MACF1: variants seen among roughly 807,000 people sequenced by gnomAD.
MACF1 encodes microtubule actin crosslinking factor 1.
Under a neutral mutation model 854.8 loss-of-function variants are expected in MACF1, and 193 were observed. The ratio of observed to expected loss-of-function variants is 0.23; its 90% CI spans 0.20 to 0.25. The LOEUF (loss-of-function observed/expected upper bound fraction) is 0.25. MACF1 is among the 10% of genes least tolerant of loss of function. The pLI, the probability that MACF1 is intolerant of heterozygous loss-of-function variation, is 1.00. For missense variants in MACF1, 7,722 were observed against 8,929.1 expected, an observed-to-expected ratio of 0.86 and a Z score of 5.45; for synonymous variants, 3,185 against 3,226.7, an observed-to-expected ratio of 0.99 and a Z score of 0.44.
At chr1:39,412,027 C>A (rs768257399) in intron 58 of MACF1, 2 of 1,613,960 alleles carry the variant, frequency 1.2e-6, no homozygotes, top group Non-Finnish European at 1.7e-6. Flanking sequence ...TAAGTCCAGA[C>A]AGCCAGCTGA....
intron 28 of MACF1, 132 bp from the exon 29 acceptor site, chr1:39,317,082 C>A: frequency 1.1e-6 from 1 of 939,982 alleles, no homozygotes; most frequent in Non-Finnish European, 1.6e-6. Flanking sequence ...AGTCCTGGCA[C>A]AAACATTCCA....
chr1:39,371,109 G>A (rs747959010), intron 51 of MACF1, among the ~76,000 whole-genome samples: 25 of 151,940 alleles, frequency 1.6e-4, no homozygotes, highest in African/African-American at 2.4e-4. Flanking sequence ...TCACAAGGTC[G>A]GGAGTTCAAG....
intron 58 of MACF1, chr1:39,410,330 A>C (rs766867387): frequency 9.3e-6 from 15 of 1,613,348 alleles, no homozygotes; most frequent in Non-Finnish European, 1.3e-5. Flanking sequence ...GGGAAAGGAG[A>C]GGAGGAGGAT....
At chr1:39,239,683 G>A (rs555275029) in intron 2 of MACF1, among the ~76,000 whole-genome samples, 1 of 152,308 alleles carries the variant, frequency 6.6e-6, no homozygotes, top group East Asian at 1.9e-4. Context: ...CTCCTTAGGA[G>A]GGAGAAAAAT....
rs763306320 is a variant in MACF1 at position 39,295,147 on chromosome 1, G to A, written c.2256G>A (p.Val752=). 39 of 1,613,016 alleles carry A rather than the reference G, an allele frequency of 2.4e-5. No homozygotes were observed. In the African/African-American group the frequency reaches 3.7e-4, roughly 15 times the overall value. Residue 752 remains valine, a synonymous_variant, in exon 19 of 101, where the codon GTG becomes GTA. Coordinates refer to ENST00000564288, the MANE Select transcript of MACF1 (RefSeq NM_001394062.1). ...SLENHPAKQT[V]EAYSAAVQSQ... Reference sequence around the variant, plus strand: ...AGAACCACCCAGCCAAGCAGACAGTGGAGGTGTGTGACTTGAGAATGTGTG... The same window carrying A: ...AGAACCACCCAGCCAAGCAGACAGTAGAGGTGTGTGACTTGAGAATGTGTG...
chr1:39,428,035 C>T lies in MACF1; in HGVS notation c.16551C>T (p.Ser5517=). 1 of 1,614,188 alleles carries T rather than the reference C, an allele frequency of 6.2e-7. No homozygotes were observed. Among genetic ancestry groups the T allele is most frequent in the South Asian group, 1.1e-5 (1 of 91,088 alleles). ...TCAAAATTGGGCAGTCCCTCTCCTC[C>T]CTGACATCTCCTGCAGAACAGGGTG... is the stretch of plus-strand genomic sequence containing the variant. ...QAVKIGQSLS[S]LTSPAEQGVL... The change falls in exon 63 of 101, where the codon TCC becomes TCT. Residue 5517 remains serine (S), a synonymous_variant. Coordinates refer to ENST00000564288, the MANE Select transcript of MACF1 (RefSeq NM_001394062.1).
intron 2 of MACF1, among the ~76,000 whole-genome samples, chr1:39,130,386 A>G (rs1571078027): frequency 6.6e-6 from 1 of 152,234 alleles, no homozygotes; most frequent in Non-Finnish European, 1.5e-5. Flanking sequence ...AAACATTGAA[A>G]TGGTACTGAG....
intron 2 of MACF1, among the ~76,000 whole-genome samples, chr1:39,129,404 G>T (rs968545386): frequency 1.3e-5 from 2 of 152,148 alleles, no homozygotes; most frequent in Non-Finnish European, 2.9e-5. Context: ...GAAGCTTCTT[G>T]GAACCAGCAG....
At chr1:39,164,461 A>G (rs958168665) in intron 2 of MACF1, among the ~76,000 whole-genome samples, 1 of 152,218 alleles carries the variant, frequency 6.6e-6, no homozygotes, top group Non-Finnish European at 1.5e-5. Context: ...AGTTAATTTC[A>G]TGGTAGAACA....
In MACF1 at chr1:39,335,325, G is replaced by T; in HGVS notation, c.8737G>T (p.Ala2913Ser). 1 of 1,613,956 alleles carries T rather than the reference G, an allele frequency of 6.2e-7. No individual in the cohort carries two copies. Among genetic ancestry groups the T allele is most frequent in the South Asian group, 1.1e-5 (1 of 91,032 alleles). The stretch of plus-strand genomic sequence containing the variant: ...TGATACAAATGAAGAGCAGGAAAAA[G>T]CAGTGACAAAAATAGAAATTATTTC... ...GNDTNEEQEK[A>S]VTKIEIISHM... Residue 2913 changes from alanine to serine, a missense_variant, in exon 37 of 101, where the codon GCA (alanine) becomes TCA (serine). Around this residue, in one of 15 missense-constraint regions of MACF1, gnomAD observed 854 missense variants for 852.6 expected, o/e 1.00. Coordinates refer to ENST00000564288, the MANE Select transcript of MACF1 (RefSeq NM_001394062.1).
At chr1:39,248,735 C>T (rs1645009236) in intron 2 of MACF1, among the ~76,000 whole-genome samples, 1 of 152,074 alleles carries the variant, frequency 6.6e-6, no homozygotes, top group African/African-American at 2.4e-5. Context: ...GTGAACATCA[C>T]CTTTTTTTTC....
intron 58 of MACF1, chr1:39,412,189 A>T (rs1190102827): frequency 6.2e-7 from 1 of 1,613,800 alleles, no homozygotes. Flanking sequence ...AACTGAGGGG[A>T]ATGGTGAGGA....
rs115676332 is a variant in MACF1 at position 39,329,537 on chromosome 1, G to T, written c.4615-1666G>T. 5.2e-3 allele frequency among the ~76,000 whole-genome samples: 786 copies of T among 152,256 alleles called. 4 individuals are homozygous for T. Among genetic ancestry groups the T allele is most frequent in the African/African-American group, 0.018 (749 of 41,548 alleles). Reference sequence around the variant, plus strand: ...GAAATGCCATTATTTAGGAGGCAGGGAAATAATTGGAAATTGCTTCCACAA... The same window carrying T: ...GAAATGCCATTATTTAGGAGGCAGGTAAATAATTGGAAATTGCTTCCACAA... On this transcript the variant is annotated intron_variant, in intron 36 of 100. Coordinates refer to ENST00000564288, the MANE Select transcript of MACF1 (RefSeq NM_001394062.1).
chr1:39,118,579 G>A (rs558501326), intron 2 of MACF1, among the ~76,000 whole-genome samples: 61 of 152,180 alleles, frequency 4.0e-4, no homozygotes, highest in Non-Finnish European at 6.8e-4. Context: ...GGAGCATTAG[G>A]TGCCCATCTC....
chr1:39,435,219 G>C (rs943247372), intron 69 of MACF1, among the ~76,000 whole-genome samples: 2 of 152,176 alleles, frequency 1.3e-5, no homozygotes, highest in Non-Finnish European at 2.9e-5. Context: ...AAACCATGTA[G>C]AGTAAAATAG....
intron 2 of MACF1, among the ~76,000 whole-genome samples, chr1:39,247,166 G>A (rs953854392): frequency 7.4e-6 from 1 of 134,608 alleles, no homozygotes; most frequent in Non-Finnish European, 1.5e-5. Context: ...TCCGCCTCCC[G>A]AGTTCACGCC....
intron 58 of MACF1, among the ~76,000 whole-genome samples, chr1:39,404,263 G>GC (rs1642603220): frequency 1.3e-5 from 2 of 151,870 alleles, no homozygotes; most frequent in Non-Finnish European, 2.9e-5. Flanking sequence ...GCTTAGGCAG[G>GC]TGCATCACTT....
chr1:39,364,437 A>G (rs1383637928), intron 49 of MACF1, among the ~76,000 whole-genome samples: 2 of 151,478 alleles, frequency 1.3e-5, no homozygotes, highest in Non-Finnish European at 2.9e-5. Context: ...TATGTTAGAA[A>G]TATTGTTTCC....
intron 2 of MACF1, among the ~76,000 whole-genome samples, chr1:39,177,714 A>T (rs912799122): frequency 4.6e-5 from 7 of 152,112 alleles, no homozygotes; most frequent in Non-Finnish European, 7.3e-5. Context: ...CCAAGAGGTA[A>T]CTGGGAAACA....
Sources: allele counts gnomAD v4.1 joint callset (sites outside exome capture counted in the v4.1 genomes callset), GRCh38; gene constraint gnomAD v4.1.1; regional missense constraint gnomAD v4.1.1; transcripts MANE v1.5; gene names NCBI Gene and HGNC (gene_info 2026-07-23, HGNC 2026-07-21).